Variants in WWOX observed in about 807,000 individuals in gnomAD.
WWOX encodes WW domain containing oxidoreductase.
In WWOX, 69 loss-of-function variants were observed where a neutral mutation model predicts 46.2. The observed-to-expected ratio is 1.49, with a 90% CI of 1.23 to 1.82. WWOX has a LOEUF of 1.82. Ranked by LOEUF, WWOX falls within the 40% of genes most tolerant of loss-of-function variation. WWOX has a pLI of 0.00. For synonymous variants in WWOX, 359 were observed against 202.6 expected (o/e 1.77, Z -6.56); for missense variants, 919 against 542.6 (o/e 1.69, Z -6.89).
chr16:78,965,698 TG>T (rs1054121104), intron 8 of WWOX, among the ~76,000 whole-genome samples: 84 of 152,344 alleles, frequency 5.5e-4, no homozygotes, highest in African/African-American at 1.8e-3. Context: ...GTCATTTTTT[TG>T]TGTTGGCTTT....
At chr16:78,889,418 G>C (rs2044539595) in intron 8 of WWOX, among the ~76,000 whole-genome samples, 1 of 138,372 alleles carries the variant, frequency 7.2e-6, no homozygotes, top group Non-Finnish European at 1.5e-5. Flanking sequence ...CCATCTAAGA[G>C]TCTGCAATGA....
intron 8 of WWOX, among the ~76,000 whole-genome samples, chr16:79,006,289 G>A (rs896339579): frequency 6.6e-6 from 1 of 152,152 alleles, no homozygotes; most frequent in African/African-American, 2.4e-5. Context: ...GAGAAGATGT[G>A]AAGCGCGGGA....
chr16:78,806,756 C>T (rs1013264186), intron 8 of WWOX, among the ~76,000 whole-genome samples: 3 of 152,160 alleles, frequency 2.0e-5, no homozygotes, highest in African/African-American at 4.8e-5. Flanking sequence ...CAGACCCACC[C>T]CAACCAGGTT....
chr16:78,203,056 A>G (rs939009557), intron 5 of WWOX, among the ~76,000 whole-genome samples: 1 of 152,200 alleles, frequency 6.6e-6, no homozygotes, highest in Non-Finnish European at 1.5e-5. Context: ...AAAACAAAAC[A>G]CAATCACATC....
At chr16:78,884,838 C>G (rs894129848) in intron 8 of WWOX, among the ~76,000 whole-genome samples, 2 of 152,116 alleles carry the variant, frequency 1.3e-5, no homozygotes, top group Admixed American at 1.3e-4. Flanking sequence ...TGGACAAATA[C>G]AAAATCATAT....
At chr16:78,320,682 T>A (rs913393322) in intron 5 of WWOX, among the ~76,000 whole-genome samples, 3 of 152,216 alleles carry the variant, frequency 2.0e-5, no homozygotes, top group Non-Finnish European at 2.9e-5. Context: ...AATATCCAGA[T>A]GTTTTCAAGT....
intron 8 of WWOX, among the ~76,000 whole-genome samples, chr16:78,537,872 C>T (rs1016034553): frequency 4.6e-5 from 7 of 152,114 alleles, no homozygotes; most frequent in African/African-American, 1.7e-4. Flanking sequence ...CCTCTGGCCT[C>T]GGCCTTCTCC....
intron 8 of WWOX, among the ~76,000 whole-genome samples, chr16:78,925,653 A>G (rs185104337): frequency 6.8e-4 from 103 of 152,318 alleles, no homozygotes; most frequent in Middle Eastern, 3.4e-3. Flanking sequence ...CTTTTCCTCA[A>G]TGAGAACCAG....
chr16:78,626,289 C>G (rs552224701), intron 8 of WWOX, among the ~76,000 whole-genome samples: 14 of 152,196 alleles, frequency 9.2e-5, no homozygotes, highest in African/African-American at 3.4e-4. Context: ...CGCCACCACG[C>G]TCAGCTAATT....
chr16:79,173,600 A>C (rs970146763), intron 8 of WWOX, among the ~76,000 whole-genome samples: 1 of 151,968 alleles, frequency 6.6e-6, no homozygotes, highest in Admixed American at 6.6e-5. Context: ...GGAAATAACT[A>C]TTTCCTATCA....
intron 8 of WWOX, among the ~76,000 whole-genome samples, chr16:79,120,145 A>G (rs913975978): frequency 1.3e-5 from 2 of 152,174 alleles, no homozygotes; most frequent in East Asian, 1.9e-4. Context: ...ATTTAATCCA[A>G]AACTCAGGGA....
intron 8 of WWOX, among the ~76,000 whole-genome samples, chr16:78,478,767 G>C (rs1472448590): frequency 1.3e-5 from 2 of 152,154 alleles, no homozygotes; most frequent in African/African-American, 4.8e-5. Flanking sequence ...CAATCTAGCA[G>C]TTCAAACTAG....
chr16:78,967,832 G>A (rs942901618), intron 8 of WWOX, among the ~76,000 whole-genome samples: 2 of 152,066 alleles, frequency 1.3e-5, no homozygotes, highest in African/African-American at 2.4e-5. Flanking sequence ...GGGAGAGGAT[G>A]GGAGTGATGC....
chr16:78,647,028 C>T (rs1290067563), intron 8 of WWOX, among the ~76,000 whole-genome samples: 2 of 152,266 alleles, frequency 1.3e-5, no homozygotes, highest in African/African-American at 2.4e-5. Flanking sequence ...GAGTCTTTCT[C>T]TTCCTTTTGA....
At chr16:78,856,956 A>G (rs2052581235) in intron 8 of WWOX, among the ~76,000 whole-genome samples, 1 of 152,210 alleles carries the variant, frequency 6.6e-6, no homozygotes, top group Non-Finnish European at 1.5e-5. Flanking sequence ...GGCAGCAAAC[A>G]TGTACAGCAT....
At chr16:78,405,748 A>G (rs1213794368) in intron 6 of WWOX, among the ~76,000 whole-genome samples, 1 of 151,882 alleles carries the variant, frequency 6.6e-6, no homozygotes, top group Non-Finnish European at 1.5e-5. Context: ...CTTTTTATAT[A>G]TTTTCTCTAA....
rs1321686367 is a variant in WWOX, at chr16:78,723,594, T to G, written c.1056+290842T>G. On this transcript the variant is annotated intron_variant, in intron 8 of 8. Coordinates refer to ENST00000566780, the MANE Select transcript of WWOX (RefSeq NM_016373.4). ...TTTCTTTTCTTTTCTTTTCTTTTCTTTTCTTTTCTTTTCTTTTCTTTTCTT... is the reference window on the plus strand; with the variant it reads ...TTTCTTTTCTTTTCTTTTCTTTTCTGTTCTTTTCTTTTCTTTTCTTTTCTT... Among the ~76,000 whole-genome samples, 13 of 29,020 alleles carry G rather than the reference T, an allele frequency of 4.5e-4. 1 individual carries two copies. The highest frequency in any genetic ancestry group is 2.8e-3 in the African/African-American group (13 of 4,640). The allele number at this position is 29,020 out of a possible 152,430, so 19.0% of individuals were successfully genotyped here.
rs533113958 is a variant in WWOX at position 78,488,369 on chromosome 16, A to G, written c.1056+55617A>G. ...GCTGAGTTCATTTTCTAGTCTAGGT[A>G]AAGGGCACCTCCTGTAATTGAATTG... On this transcript the variant is annotated intron_variant, in intron 8 of 8. Transcript: ENST00000566780. Among the ~76,000 whole-genome samples, 14 of 152,258 alleles carry G rather than the reference A, an allele frequency of 9.2e-5. No homozygotes were observed. The East Asian group carries it at 2.7e-3, about 29-fold the overall frequency.
rs142117211 is a variant in WWOX, at chr16:78,396,802, A to T, written c.605+9854A>T. On this transcript the variant is annotated intron_variant, in intron 6 of 8. Coordinates refer to ENST00000566780, the MANE Select transcript of WWOX (RefSeq NM_016373.4). The stretch of plus-strand genomic sequence containing the variant: ...TGAATACATTGTTGAGTGTTACATG[A>T]GACTATTGTAATATAAAAGTAGCCT... 2.0e-5 allele frequency among the ~76,000 whole-genome samples: 3 copies of T among 152,328 alleles called. No homozygotes were observed. In the East Asian group the frequency reaches 5.8e-4, roughly 29 times the overall value.
Sources: gnomAD v4.1 joint callset for allele counts (sites outside exome capture counted in the v4.1 genomes callset) on GRCh38, gnomAD v4.1.1 for gene constraint, MANE v1.5 for transcripts, NCBI Gene and HGNC (gene_info 2026-07-23, HGNC 2026-07-21) for gene names.